Variants in TPD52L1 observed in about 807,000 individuals in gnomAD.
TPD52L1 encodes TPD52 like 1.
A neutral mutation model predicts 28.7 loss-of-function variants in TPD52L1; 18 were observed. The ratio of observed to expected loss-of-function variants is 0.63; its 90% CI spans 0.43 to 0.93. The LOEUF (loss-of-function observed/expected upper bound fraction) is 0.93. Ranked by LOEUF, TPD52L1 falls within the 40% of genes least tolerant of loss-of-function variation. The probability of loss-of-function intolerance (pLI) is 0.00; values close to 1 mark genes in which losing one functional copy is unlikely to be tolerated. For synonymous variants in TPD52L1, 75 were observed against 88.8 expected (o/e 0.84, Z 0.88); for missense variants, 203 against 254.8 (o/e 0.80, Z 1.39).
chr6:125,160,995 G>T (rs548995883), intron 1 of TPD52L1, among the ~76,000 whole-genome samples: 123 of 152,154 alleles, frequency 8.1e-4, no homozygotes, highest in Non-Finnish European at 1.5e-3. Flanking sequence ...AGGGATTACA[G>T]GTGCGTGCCA....
intron 1 of TPD52L1, among the ~76,000 whole-genome samples, chr6:125,176,488 AG>A (rs1029973044): frequency 1.3e-5 from 2 of 152,186 alleles, no homozygotes; most frequent in Non-Finnish European, 2.9e-5. Flanking sequence ...TTTGGGGCAG[AG>A]GAAATCACTT....
intron 1 of TPD52L1, among the ~76,000 whole-genome samples, chr6:125,178,693 G>GA (rs1002601322): frequency 6.6e-5 from 10 of 151,524 alleles, no homozygotes; most frequent in Non-Finnish European, 1.0e-4. Context: ...AAATGTTAAA[G>GA]AAAAAATCAA....
chr6:125,156,472 A>G (rs1790135139), intron 1 of TPD52L1, among the ~76,000 whole-genome samples: 1 of 125,382 alleles, frequency 8.0e-6, no homozygotes, highest in South Asian at 3.4e-4. Flanking sequence ...TCAAAAAAAA[A>G]AAAAAAAAGA....
Position 125,253,850 on chromosome 6 carries a change from G to A in TPD52L1, c.425+95G>A, listed in dbSNP as rs1414579668. The A allele has an allele frequency of 2.5e-6, 3 of 1,192,970 alleles. No individual in the cohort carries two copies. The African/African-American group carries it at 4.5e-5, about 18-fold the overall frequency. The allele number at this position is 1,192,970 out of a possible 1,614,324, so 73.9% of individuals were successfully genotyped here. On this transcript the variant is annotated intron_variant, in intron 5 of 6. Transcript: ENST00000534000. ...TACTTATGGGGTTCCTCTGCTTTAT[G>A]TGAAAGGAAATTGCTGATGGTCTTC...
chr6:125,179,644 A>G (rs947546313), intron 1 of TPD52L1, among the ~76,000 whole-genome samples: 4 of 152,330 alleles, frequency 2.6e-5, no homozygotes, highest in Non-Finnish European at 5.9e-5. Context: ...TGATCATTTT[A>G]TCATGCCTGT....
intron 1 of TPD52L1, among the ~76,000 whole-genome samples, chr6:125,211,467 G>A (rs761963235): frequency 2.0e-4 from 31 of 152,308 alleles, no homozygotes; most frequent in Non-Finnish European, 2.5e-4. Context: ...GCTGCAATAT[G>A]TAGGAAAAGA....
intron 1 of TPD52L1, among the ~76,000 whole-genome samples, chr6:125,172,157 T>TTTCTTTCTTTC (rs1554202455): frequency 2.2e-4 from 12 of 54,038 alleles, no homozygotes; most frequent in Non-Finnish European, 3.0e-4. Flanking sequence ...TCTTTCTTTC[T>TTTCTTTCTTTC]TTTCTTTCTT....
rs144838746 is a variant in TPD52L1 at position 125,250,363 on chromosome 6, C to T, written c.386+1980C>T. On this transcript the variant is annotated intron_variant, in intron 4 of 6. Coordinates refer to ENST00000534000, the MANE Select transcript of TPD52L1 (RefSeq NM_003287.4). ...TATAACAAGCTTCCAGATAATTTGG[C>T]TTCAGAGGGTCAGTTTATGAGGAAG... 3.8e-3 allele frequency among the ~76,000 whole-genome samples: 583 copies of T among 152,280 alleles called. 2 individuals are homozygous for T. Among genetic ancestry groups the T allele is most frequent in the African/African-American group, 0.013 (554 of 41,544 alleles).
chr6:125,241,073 A>G lies in TPD52L1; in HGVS notation c.285-7209A>G, dbSNP rs1323035628. ...TTTGTCAAATAACTTTTCTGTGTCT[A>G]TTGAGATGATCATATGATTTTTGTT... is the stretch of plus-strand genomic sequence containing the variant. On this transcript the variant is annotated intron_variant, in intron 3 of 6. Transcript: ENST00000534000. Among the ~76,000 whole-genome samples the G allele has an allele frequency of 2.6e-5, 4 of 152,194 alleles. No homozygotes were observed. The East Asian group carries it at 7.7e-4, about 29-fold the overall frequency.
In TPD52L1 at chr6:125,219,896, G is replaced by C. The variant is rs767958598; in HGVS notation, c.20-182G>C. Reference sequence around the variant, plus strand: ...AATTTTTTTCTTTTTTTGGCTTCTTGGTATTCTTTGCTTTCTTGGAGCTCG... The same window carrying C: ...AATTTTTTTCTTTTTTTGGCTTCTTCGTATTCTTTGCTTTCTTGGAGCTCG... On this transcript the variant is annotated intron_variant, in intron 1 of 6. Coordinates refer to ENST00000534000, the MANE Select transcript of TPD52L1 (RefSeq NM_003287.4). 14 of 645,084 alleles carry C rather than the reference G, an allele frequency of 2.2e-5. No homozygotes were observed. Among genetic ancestry groups the C allele is most frequent in the Non-Finnish European group, 3.6e-5 (13 of 356,480 alleles). The allele number at this position is 645,084 out of a possible 1,614,324, so 40.0% of individuals were successfully genotyped here. A position where few individuals can be genotyped will look rare whatever the true frequency, so the allele number is the denominator to read the frequency against.
At chr6:125,164,308 C>T (rs776616933) in intron 1 of TPD52L1, among the ~76,000 whole-genome samples, 3 of 152,080 alleles carry the variant, frequency 2.0e-5, no homozygotes, top group Non-Finnish European at 2.9e-5. Context: ...GTAAGCCTTG[C>T]GACATGTCAA....
chr6:125,200,625 T>A (rs368525739), intron 1 of TPD52L1, among the ~76,000 whole-genome samples: 1 of 152,242 alleles, frequency 6.6e-6, no homozygotes, highest in Admixed American at 6.5e-5. Flanking sequence ...CTTTCTCAAC[T>A]TTCTCAATGC....
intron 3 of TPD52L1, among the ~76,000 whole-genome samples, chr6:125,231,630 GTTGT>G (rs869033531): frequency 4.5e-4 from 54 of 120,236 alleles, no homozygotes; most frequent in Middle Eastern, 4.2e-3. Context: ...TGTTGTTGTT[GTTGT>G]TTGTTTGTTT....
Position 125,260,840 on chromosome 6 carries a change from G to GAGAA in TPD52L1, c.487-1987_487-1984dup, listed in dbSNP as rs200376317. Among the ~76,000 whole-genome samples the GAGAA allele has an allele frequency of 1.7e-3, 245 of 144,734 alleles. 9 individuals carry two copies. The highest frequency in any genetic ancestry group is 0.014 in the East Asian group (68 of 4,906). The allele number at this position is 144,734 out of a possible 152,430, so 95.0% of individuals were successfully genotyped here. A position where few individuals can be genotyped will look rare whatever the true frequency, so the allele number is the denominator to read the frequency against. On this transcript the variant is annotated intron_variant, in intron 6 of 6. Coordinates refer to ENST00000534000, the MANE Select transcript of TPD52L1 (RefSeq NM_003287.4). ...AAGAAAGAAGAAAGGAAGAAAGGAA[G>GAGAA]AGAAAGAAAGTGAGAGAGAGAAAGA...
intron 2 of TPD52L1, among the ~76,000 whole-genome samples, chr6:125,221,643 T>C (rs768798982): frequency 5.3e-5 from 8 of 152,210 alleles, no homozygotes; most frequent in Non-Finnish European, 1.0e-4. Flanking sequence ...ACAGTGAGCA[T>C]GATACTACTT....
intron 1 of TPD52L1, among the ~76,000 whole-genome samples, chr6:125,208,424 T>A (rs1333521798): frequency 6.6e-6 from 1 of 152,162 alleles, no homozygotes; most frequent in Non-Finnish European, 1.5e-5. Flanking sequence ...AAAGAGAAGG[T>A]GCAAGCAACT....
At chr6:125,173,358 A>C (rs1440709892) in intron 1 of TPD52L1, among the ~76,000 whole-genome samples, 1 of 152,108 alleles carries the variant, frequency 6.6e-6, no homozygotes, top group East Asian at 1.9e-4. Flanking sequence ...TGTCCTCCCT[A>C]TTGTAAATCT....
At chr6:125,169,861 A>C (rs746359308) in intron 1 of TPD52L1, among the ~76,000 whole-genome samples, 7 of 152,146 alleles carry the variant, frequency 4.6e-5, no homozygotes, top group Non-Finnish European at 1.0e-4. Context: ...ATAAAGGGCA[A>C]AGACCTTACA....
intron 1 of TPD52L1, among the ~76,000 whole-genome samples, chr6:125,178,325 A>G (rs1791943670): frequency 6.6e-6 from 1 of 152,192 alleles, no homozygotes; most frequent in Admixed American, 6.6e-5. Context: ...AGCAACATAA[A>G]TTAGTAAAAA....
Sources: gnomAD v4.1 joint callset for allele counts (sites outside exome capture counted in the v4.1 genomes callset) on GRCh38, gnomAD v4.1.1 for gene constraint, MANE v1.5 for transcripts, NCBI Gene and HGNC (gene_info 2026-07-23, HGNC 2026-07-21) for gene names.